Variants in UBR2 observed in about 807,000 individuals in gnomAD.
UBR2 encodes the protein E3 ubiquitin-protein ligase UBR2.
Under a neutral mutation model 247.9 loss-of-function variants are expected in UBR2, and 92 were observed. The observed-to-expected ratio is 0.37, with a 90% CI of 0.31 to 0.44. The LOEUF (loss-of-function observed/expected upper bound fraction) is 0.44, where lower values mean the gene tolerates loss of function less well. Ranked by LOEUF, UBR2 falls within the 20% of genes least tolerant of loss-of-function variation. The pLI is 1.00. For synonymous variants in UBR2, 672 were observed against 693.5 expected, an observed-to-expected ratio of 0.97 and a Z score of 0.49; for missense variants, 1,613 against 2,112.6, an observed-to-expected ratio of 0.76 and a Z score of 4.64.
At chr6:42,598,459 C>CT (rs1481507425) in intron 4 of UBR2, among the ~76,000 whole-genome samples, 1 of 152,276 alleles carries the variant, frequency 6.6e-6, no homozygotes, top group East Asian at 1.9e-4. Flanking sequence ...GTGTAGGCTA[C>CT]TGAAAGCATT....
At chr6:42,594,523 G>A (rs1256558127) in intron 4 of UBR2, among the ~76,000 whole-genome samples, 1 of 152,094 alleles carries the variant, frequency 6.6e-6, no homozygotes, top group East Asian at 1.9e-4. Context: ...TTTTTATTTG[G>A]TTGGGGTTTT....
At chr6:42,663,539 C>A in intron 32 of UBR2, 120 bp downstream of exon 32, 2 of 1,033,270 alleles carry the variant, frequency 1.9e-6, no homozygotes, top group Non-Finnish European at 2.6e-6. Context: ...AGATACTTTC[C>A]AAACTCTAAT....
intron 11 of UBR2, among the ~76,000 whole-genome samples, chr6:42,626,990 C>T (rs73422516): frequency 0.023 from 3,515 of 152,076 alleles, 120 homozygotes; most frequent in African/African-American, 0.08. Flanking sequence ...TTTATGAAGA[C>T]GAGGGAATTG....
At chr6:42,632,957 T>TTTTTTTTTTTG in intron 13 of UBR2, 53 bp downstream of exon 13, 1 of 902,614 alleles carries the variant, frequency 1.1e-6, no homozygotes, top group Non-Finnish European at 1.5e-6. Flanking sequence ...TTCTCTTTTC[T>TTTTTTTTTTTG]CTTTTTTTTT....
rs1408847680 is a variant in UBR2, at chr6:42,659,029, G to A, written c.3242+205G>A. ...GTAAGTCCTGTGTACACCTGGTAGGGTATTTTCTGCAGAAGACCTTGGACA... is the reference window on the plus strand; with the variant it reads ...GTAAGTCCTGTGTACACCTGGTAGGATATTTTCTGCAGAAGACCTTGGACA... On this transcript the variant is annotated intron_variant, in intron 29 of 46. Transcript: ENST00000372901. This position sits in a 1 kb window ranked among gnomAD's most constrained non-coding sequence, Gnocchi z 4.3. Among the ~76,000 whole-genome samples the A allele has an allele frequency of 1.3e-5, 2 of 152,060 alleles. No homozygotes were observed. Among genetic ancestry groups the A allele is most frequent in the African/African-American group, 4.8e-5 (2 of 41,382 alleles).
Position 42,646,568 on chromosome 6 carries a change from G to C in UBR2, c.2409+978G>C, listed in dbSNP as rs140564612. On this transcript the variant is annotated intron_variant, in intron 21 of 46. Transcript: ENST00000372901. ...AACTGAGGACAATTTTGCCCCCCAG[G>C]GGACATCTGTGAATGTTACTACTCA... Among the ~76,000 whole-genome samples, 687 of 152,006 alleles carry C rather than the reference G, an allele frequency of 4.5e-3. 3 individuals carry two copies. The highest frequency in any genetic ancestry group is 0.014 in the African/African-American group (567 of 41,466).
chr6:42,634,836 G>A (rs1348154383), intron 13 of UBR2, among the ~76,000 whole-genome samples: 3 of 152,314 alleles, frequency 2.0e-5, no homozygotes, highest in African/African-American at 7.2e-5. Flanking sequence ...ATGTATCTGT[G>A]AAAACAATAG....
At chr6:42,601,353 C>T (rs1207900829) in intron 4 of UBR2, among the ~76,000 whole-genome samples, 1 of 152,090 alleles carries the variant, frequency 6.6e-6, no homozygotes, top group Non-Finnish European at 1.5e-5. Context: ...TTTCTAAAGC[C>T]TCCATAACAA....
intron 36 of UBR2, among the ~76,000 whole-genome samples, chr6:42,672,495 A>G (rs1798505245): frequency 6.6e-6 from 1 of 152,090 alleles, no homozygotes; most frequent in African/African-American, 2.4e-5. Context: ...CTAATACGTT[A>G]TTAGAGGGGC....
chr6:42,602,805 T>G (rs1466823772), intron 4 of UBR2, among the ~76,000 whole-genome samples: 1 of 151,656 alleles, frequency 6.6e-6, no homozygotes, highest in Non-Finnish European at 1.5e-5. Flanking sequence ...GATCTGCTGA[T>G]TCCCATCCCA....
At chr6:42,613,828 C>A (rs1474721542) in intron 8 of UBR2, among the ~76,000 whole-genome samples, 1 of 151,184 alleles carries the variant, frequency 6.6e-6, no homozygotes, top group Non-Finnish European at 1.5e-5. Context: ...AAAGTTATTC[C>A]ATTTTTTTTT....
chr6:42,612,622 C>T (rs990098270), intron 8 of UBR2, among the ~76,000 whole-genome samples: 2 of 152,064 alleles, frequency 1.3e-5, no homozygotes, highest in African/African-American at 2.4e-5. Flanking sequence ...TTTAGTGGAG[C>T]ATTTTGCAGA....
rs58396471 is a variant in UBR2 at position 42,581,003 on chromosome 6, ATTTTTTTTTT to A, written c.338+7029_338+7038del. Among the ~76,000 whole-genome samples, 77 of 62,638 alleles carry A rather than the reference ATTTTTTTTTT, an allele frequency of 1.2e-3. 1 individual carries two copies. Among genetic ancestry groups the A allele is most frequent in the African/African-American group, 5.3e-3 (70 of 13,094 alleles). 41.1% of individuals were successfully genotyped at this position (62,638 alleles called of 152,430 possible). A position where few individuals can be genotyped will look rare whatever the true frequency, so the allele number is the denominator to read the frequency against. ...TTAGATTACCTTGGGTGGTTCTAGA[ATTTTTTTTTT>A]TTTTTTTTTTTTTTTTTTGAGACAG... On this transcript the variant is annotated intron_variant, in intron 2 of 46. Transcript: ENST00000372901.
chr6:42,657,222 G>A (rs1797492469), intron 26 of UBR2, among the ~76,000 whole-genome samples: 2 of 142,608 alleles, frequency 1.4e-5, no homozygotes, highest in African/African-American at 5.2e-5. Flanking sequence ...GCGACAGAGT[G>A]AGACTCTGTC....
At chr6:42,690,778 C>T (rs1799712811) in intron 46 of UBR2, among the ~76,000 whole-genome samples, 1 of 152,130 alleles carries the variant, frequency 6.6e-6, no homozygotes, top group Non-Finnish European at 1.5e-5. Context: ...AACCTCTATT[C>T]CCTCACCTCA....
At chr6:42,642,012 A>G (rs556785149) in intron 17 of UBR2, among the ~76,000 whole-genome samples, 1 of 152,192 alleles carries the variant, frequency 6.6e-6, no homozygotes, top group Non-Finnish European at 1.5e-5. Context: ...GCCTTTTAAT[A>G]TAGCTGTAAA....
intron 1 of UBR2, among the ~76,000 whole-genome samples, chr6:42,573,412 T>G (rs908953141): frequency 2.0e-5 from 3 of 152,152 alleles, no homozygotes; most frequent in Non-Finnish European, 2.9e-5. Flanking sequence ...GGACATTAGG[T>G]GAGCTCAATG....
chr6:42,634,913 C>T (rs529733241), intron 13 of UBR2, among the ~76,000 whole-genome samples: 1 of 152,178 alleles, frequency 6.6e-6, no homozygotes, highest in African/African-American at 2.4e-5. Context: ...TTCTGACATA[C>T]TAGAATAGTT....
chr6:42,613,925 A>G (rs964796546), intron 8 of UBR2, among the ~76,000 whole-genome samples: 1 of 151,556 alleles, frequency 6.6e-6, no homozygotes, highest in African/African-American at 2.4e-5. Context: ...TGGTAATCCC[A>G]GCACTTTGAG....
Sources: allele counts gnomAD v4.1 joint callset (sites outside exome capture counted in the v4.1 genomes callset), GRCh38; gene constraint gnomAD v4.1.1; non-coding constraint Gnocchi (gnomAD v3.1); transcripts MANE v1.5; gene names NCBI Gene and HGNC (gene_info 2026-07-23, HGNC 2026-07-21).